Variants in SERPINA9 observed in about 807,000 individuals in gnomAD.
SERPINA9 encodes the protein serpin A9.
A neutral mutation model predicts 24.5 loss-of-function variants in SERPINA9; 32 were observed. That is an observed-to-expected ratio of 1.30 (90% CI 0.98 to 1.75). SERPINA9 has a LOEUF of 1.75. SERPINA9 is among the 40% of genes most tolerant of loss of function. The pLI, the probability that SERPINA9 is intolerant of heterozygous loss-of-function variation, is 0.00. For missense variants in SERPINA9, 594 were observed against 497.1 expected, an observed-to-expected ratio of 1.19 and a Z score of -1.85; for synonymous variants, 233 against 197.7, an observed-to-expected ratio of 1.18 and a Z score of -1.50.
rs371000087 is a variant in SERPINA9, at chr14:94,463,103, G to T, written c.1244C>A (p.Thr415Asn). 8 of 1,613,408 alleles carry T rather than the reference G, an allele frequency of 5.0e-6. No individual in the cohort carries two copies. In the Middle Eastern group the frequency reaches 6.6e-4, roughly 133 times the overall value. Residue 415 changes from threonine to asparagine, a missense_variant, in exon 5 of 5, where the codon ACT becomes AAT. Thr to Asn is a moderately conservative substitution (Grantham distance 65, BLOSUM62 0). Coordinates refer to ENST00000674397, the MANE Select transcript of SERPINA9 (RefSeq NM_175739.4). ...CAGGCCATTTCCCACCTAGGATTTA[G>T]TGGGATTTTCCACTTTCCCTAGAAA... Reference protein sequence around the residue: ...ILFLGKVENPTKS With the variant: ...ILFLGKVENPNKS
chr14:94,475,746 G>T (rs541045389), intron 1 of SERPINA9, among the ~76,000 whole-genome samples: 1 of 152,208 alleles, frequency 6.6e-6, no homozygotes. Flanking sequence ...GATCCTTGCT[G>T]TTAGTTTGGA....
At chr14:94,467,997 G>A (rs1899100195) in intron 2 of SERPINA9, among the ~76,000 whole-genome samples, 2 of 150,664 alleles carry the variant, frequency 1.3e-5, no homozygotes, top group Admixed American at 1.3e-4. Context: ...TGCTGGATGG[G>A]TAGATGAAGG....
chr14:94,464,686 A>C, intron 4 of SERPINA9, 21 bp downstream of exon 4: 1 of 1,600,864 alleles, frequency 6.2e-7, no homozygotes, highest in Non-Finnish European at 8.5e-7. Flanking sequence ...ACTTTTTTGC[A>C]AATATTTTCA....
intron 1 of SERPINA9, chr14:94,475,877 G>C: frequency 3.9e-6 from 2 of 514,546 alleles, no homozygotes; most frequent in Non-Finnish European, 6.8e-6. Flanking sequence ...CTCCCCTTGT[G>C]GCCCAAATTT....
chr14:94,475,985 A>G (rs544429152), intron 1 of SERPINA9, 151 bp downstream of exon 1: 2 of 1,151,076 alleles, frequency 1.7e-6, no homozygotes, highest in African/African-American at 1.5e-5. Context: ...TGTGACCCAG[A>G]TGCTACTAAA....
chr14:94,474,823 C>T (rs2139824891), intron 1 of SERPINA9, among the ~76,000 whole-genome samples: 1 of 152,256 alleles, frequency 6.6e-6, no homozygotes, highest in East Asian at 1.9e-4. Flanking sequence ...GTCTCTCACT[C>T]ACTCCCATCT....
At chr14:94,472,897 G>A (rs895277510) in intron 1 of SERPINA9, among the ~76,000 whole-genome samples, 1 of 152,208 alleles carries the variant, frequency 6.6e-6, no homozygotes, top group African/African-American at 2.4e-5. Context: ...TTGAGGAACA[G>A]AAAAGGTTCT....
At position 94,469,201 on chromosome 14, in the gene SERPINA9, T is replaced by C. The variant is rs747085998; in HGVS notation, c.628+12A>G. On this transcript the variant is annotated intron_variant, in intron 2 of 4. Transcript: ENST00000674397. ...AAATAAATAAATAAAAATCAACTTC[T>C]CAAATCCTTACCTTTAAAGAAAATG... The C allele has an allele frequency of 6.3e-6, 10 of 1,595,842 alleles. No homozygotes were observed. Among genetic ancestry groups the C allele is most frequent in the Non-Finnish European group, 6.8e-6 (8 of 1,172,036 alleles).
rs1898808167 is a variant in SERPINA9, at chr14:94,462,939, T to C, written c.*154A>G. On this transcript the variant is annotated 3_prime_UTR_variant, in exon 5 of 5. Coordinates refer to ENST00000674397, the MANE Select transcript of SERPINA9 (RefSeq NM_175739.4). ...TGTTGGCTTGTGACTGGGGTCCCTG[T>C]TGATGGTTTGGTGATTGAGCCTTGG... 4.6e-6 allele frequency: 3 copies of C among 655,340 alleles called. No individual in the cohort carries two copies. Among genetic ancestry groups the C allele is most frequent in the Non-Finnish European group, 8.1e-6 (3 of 368,114 alleles). 40.6% of individuals were successfully genotyped at this position (655,340 alleles called of 1,614,324 possible).
intron 1 of SERPINA9, among the ~76,000 whole-genome samples, chr14:94,475,005 C>T (rs982616106): frequency 2.6e-5 from 4 of 152,176 alleles, no homozygotes; most frequent in Admixed American, 6.5e-5. Context: ...TCCCCAGCTG[C>T]ATCTTTGAGG....
chr14:94,475,466 A>C (rs2139828311), intron 1 of SERPINA9, among the ~76,000 whole-genome samples: 1 of 151,294 alleles, frequency 6.6e-6, no homozygotes, highest in Admixed American at 6.6e-5. Context: ...ACACACACTG[A>C]GCAGACAACC....
At position 94,462,781 on chromosome 14, in the gene SERPINA9, G is replaced by C; in HGVS notation, c.*312C>G. On this transcript the variant is annotated 3_prime_UTR_variant, in exon 5 of 5. Coordinates refer to ENST00000674397, the MANE Select transcript of SERPINA9 (RefSeq NM_175739.4). ...GTGTTATTGTAATTCTGCAATAGAG[G>C]TGCCTAACCTGGGTTGGCGTATTTC... 1 of 351,922 alleles carries C rather than the reference G, an allele frequency of 2.8e-6. No individual in the cohort carries two copies. The highest frequency in any genetic ancestry group is 2.1e-5 in the African/African-American group (1 of 48,298). The allele number at this position is 351,922 out of a possible 1,614,324, so 21.8% of individuals were successfully genotyped here.
At chr14:94,473,274 C>T (rs1266330121) in intron 1 of SERPINA9, among the ~76,000 whole-genome samples, 1 of 152,114 alleles carries the variant, frequency 6.6e-6, no homozygotes, top group Non-Finnish European at 1.5e-5. Context: ...GCCTGTAATC[C>T]TAGCACTTTC....
intron 1 of SERPINA9, among the ~76,000 whole-genome samples, chr14:94,472,553 T>C (rs1198894152): frequency 1.3e-5 from 2 of 152,082 alleles, no homozygotes; most frequent in African/African-American, 4.8e-5. Context: ...ATTTGGTCCA[T>C]TGGGTTGAAC....
chr14:94,475,038 A>G (rs1449857743), intron 1 of SERPINA9, among the ~76,000 whole-genome samples: 1 of 151,972 alleles, frequency 6.6e-6, no homozygotes, highest in African/African-American at 2.4e-5. Flanking sequence ...GCATTCCTCA[A>G]TTCCACCCCA....
chr14:94,470,154 T>TC (rs1899243636), intron 1 of SERPINA9: 1 of 1,116,086 alleles, frequency 9.0e-7, no homozygotes, highest in Non-Finnish European at 1.1e-6. Context: ...AAATTCCAAA[T>TC]CCCATGCTTT....
chr14:94,465,806 G>A (rs1898976028), intron 3 of SERPINA9, among the ~76,000 whole-genome samples: 1 of 152,186 alleles, frequency 6.6e-6, no homozygotes, highest in South Asian at 2.1e-4. Context: ...TAGGATTACA[G>A]GCGTGAGTCC....
chr14:94,475,855 A>G (rs545008088), intron 1 of SERPINA9: 2 of 501,696 alleles, frequency 4.0e-6, no homozygotes, highest in Admixed American at 3.6e-5. Context: ...CAGCTGCCCT[A>G]TTTCAATACT....
chr14:94,475,748 T>G (rs1246561546), intron 1 of SERPINA9, among the ~76,000 whole-genome samples: 1 of 152,214 alleles, frequency 6.6e-6, no homozygotes, highest in Admixed American at 6.5e-5. Flanking sequence ...TCCTTGCTGT[T>G]AGTTTGGAAA....
Sources: gnomAD v4.1 joint callset for allele counts (sites outside exome capture counted in the v4.1 genomes callset) on GRCh38, gnomAD v4.1.1 for gene constraint, MANE v1.5 for transcripts, NCBI Gene and HGNC (gene_info 2026-07-23, HGNC 2026-07-21) for gene names.